Variants in CCDC85A observed in about 807,000 individuals in gnomAD.
CCDC85A encodes the protein coiled-coil domain containing 85A.
In CCDC85A, 38 loss-of-function variants were observed where a neutral mutation model predicts 50.2. The observed-to-expected ratio is 0.76, with a 90% CI of 0.58 to 0.99. CCDC85A has a LOEUF of 0.99. Among genes scored for constraint, CCDC85A ranks in the 50% least tolerant of loss-of-function variants. The pLI is 0.00. For missense variants in CCDC85A, 820 were observed against 742.0 expected (o/e 1.11, Z -1.22); for synonymous variants, 366 against 301.4 (o/e 1.21, Z -2.22).
intron 2 of CCDC85A, among the ~76,000 whole-genome samples, chr2:56,325,332 T>A (rs1187243999): frequency 3.3e-5 from 5 of 152,082 alleles, no homozygotes; most frequent in Admixed American, 3.3e-4. Context: ...GTTTATTGTA[T>A]TTACCCTGGT....
chr2:56,359,400 G>T (rs1005879881), intron 3 of CCDC85A, among the ~76,000 whole-genome samples: 2 of 152,256 alleles, frequency 1.3e-5, no homozygotes, highest in South Asian at 4.1e-4. Flanking sequence ...TAGGAAATTT[G>T]TACTTTTTTG....
intron 3 of CCDC85A, among the ~76,000 whole-genome samples, chr2:56,372,053 T>G (rs1676100115): frequency 6.6e-6 from 1 of 152,196 alleles, no homozygotes; most frequent in Non-Finnish European, 1.5e-5. Flanking sequence ...AAAATAAAGT[T>G]GTTTAAATAC....
At chr2:56,284,801 A>G (rs1251000193) in intron 2 of CCDC85A, among the ~76,000 whole-genome samples, 3 of 152,194 alleles carry the variant, frequency 2.0e-5, no homozygotes, top group African/African-American at 4.8e-5. Flanking sequence ...ACTGATAAGT[A>G]TTTACAACTT....
chr2:56,332,389 A>G (rs1338245625), intron 2 of CCDC85A, among the ~76,000 whole-genome samples: 1 of 152,276 alleles, frequency 6.6e-6, no homozygotes, highest in Admixed American at 6.5e-5. Context: ...AGGCACCCAT[A>G]GATTTGGTGT....
intron 2 of CCDC85A, among the ~76,000 whole-genome samples, chr2:56,280,758 A>G (rs28473407): frequency 0.015 from 2,346 of 152,286 alleles, 51 homozygotes; most frequent in African/African-American, 0.054. Context: ...CTAACAGAAA[A>G]GTTATTTCTG....
At chr2:56,285,524 A>G (rs1422257559) in intron 2 of CCDC85A, among the ~76,000 whole-genome samples, 2 of 146,414 alleles carry the variant, frequency 1.4e-5, no homozygotes, top group African/African-American at 2.5e-5. Context: ...TATATTAATA[A>G]TGTAATTATA....
intron 5 of CCDC85A, chr2:56,379,724 T>C: frequency 1.2e-6 from 1 of 847,788 alleles, no homozygotes; most frequent in African/African-American, 1.8e-5. Flanking sequence ...CATGTGAAAT[T>C]TGCTTTTCTT....
At position 56,213,126 on chromosome 2, in the gene CCDC85A, A is replaced by T. The variant is rs149399991; in HGVS notation, c.1240+19686A>T. On this transcript the variant is annotated intron_variant, in intron 2 of 5. Transcript: ENST00000407595. ...GAGATATAATATCCCAGAATCAAAG[A>T]AACGAGAAGTGAAGAGCTCTCAACT... Among the ~76,000 whole-genome samples the T allele has an allele frequency of 4.8e-3, 726 of 152,130 alleles. 8 individuals are homozygous for T. Among genetic ancestry groups the T allele is most frequent in the African/African-American group, 0.017 (686 of 41,546 alleles).
In CCDC85A at chr2:56,192,909, C is replaced by T. The variant is rs1676359242; in HGVS notation, c.709C>T (p.Leu237=). The change falls in exon 2 of 6, where the codon CTG becomes TTG. Residue 237 remains leucine (L), a synonymous_variant. Coordinates refer to ENST00000407595, the MANE Select transcript of CCDC85A (RefSeq NM_001080433.2). This position sits in a 1 kb window ranked among gnomAD's most constrained non-coding sequence, Gnocchi z 4.7. The stretch of plus-strand genomic sequence containing the variant: ...CGCGAGCAGTGGCAGCCCGGAGCAC[C>T]TGCAGAAGCCCCGGAGCGAGGGCAG... ...HHASSGSPEH[L]QKPRSEGSPE... 6.2e-7 allele frequency: 1 copy of T among 1,612,942 alleles called. No homozygotes were observed.
intron 2 of CCDC85A, among the ~76,000 whole-genome samples, chr2:56,204,535 C>G (rs901681352): frequency 6.6e-6 from 1 of 152,192 alleles, no homozygotes; most frequent in African/African-American, 2.4e-5. Flanking sequence ...CATGCTGCCT[C>G]CAGCTTCTTG....
At chr2:56,357,297 G>C (rs1675282681) in intron 3 of CCDC85A, among the ~76,000 whole-genome samples, 1 of 152,094 alleles carries the variant, frequency 6.6e-6, no homozygotes, top group African/African-American at 2.4e-5. Flanking sequence ...TACCCACTAT[G>C]CTCAGGATCT....
chr2:56,341,121 G>T (rs975804724), intron 2 of CCDC85A, among the ~76,000 whole-genome samples: 6 of 152,154 alleles, frequency 3.9e-5, no homozygotes, highest in Admixed American at 6.5e-5. Flanking sequence ...CATGTGCAGT[G>T]TGTTTACTGA....
intron 2 of CCDC85A, among the ~76,000 whole-genome samples, chr2:56,238,410 C>G (rs1010646580): frequency 1.5e-5 from 2 of 136,124 alleles, no homozygotes; most frequent in Admixed American, 7.6e-5. Flanking sequence ...GAGTAACATT[C>G]TGTCTAAAAA....
chr2:56,304,322 C>G (rs1442552367), intron 2 of CCDC85A, among the ~76,000 whole-genome samples: 3 of 152,096 alleles, frequency 2.0e-5, no homozygotes, highest in African/African-American at 7.2e-5. Flanking sequence ...CTGAAACGCT[C>G]TCATACTGAA....
At chr2:56,333,175 G>A (rs1453112148) in intron 2 of CCDC85A, among the ~76,000 whole-genome samples, 1 of 152,190 alleles carries the variant, frequency 6.6e-6, no homozygotes, top group Non-Finnish European at 1.5e-5. Flanking sequence ...CAGTAATACA[G>A]CAGGATAAAG....
intron 5 of CCDC85A, among the ~76,000 whole-genome samples, chr2:56,376,991 T>A (rs1160871583): frequency 1.3e-5 from 2 of 152,234 alleles, no homozygotes; most frequent in Admixed American, 6.5e-5. Flanking sequence ...CTTCAAAATG[T>A]TTATTTCACT....
intron 2 of CCDC85A, among the ~76,000 whole-genome samples, chr2:56,206,154 C>T (rs78043948): frequency 0.019 from 2,877 of 152,070 alleles, 47 homozygotes; most frequent in Non-Finnish European, 0.026. Flanking sequence ...GCCAGATTAC[C>T]TAGGGAATGA....
intron 2 of CCDC85A, among the ~76,000 whole-genome samples, chr2:56,272,152 A>G (rs78186858): frequency 0.035 from 5,295 of 152,288 alleles, 120 homozygotes; most frequent in South Asian, 0.12. Context: ...GAGTAAAGTT[A>G]TGTGTTAATA....
At chr2:56,251,016 G>C (rs1473401274) in intron 2 of CCDC85A, among the ~76,000 whole-genome samples, 1 of 151,812 alleles carries the variant, frequency 6.6e-6, no homozygotes, top group African/African-American at 2.4e-5. Flanking sequence ...TTGTGTGTCT[G>C]TGTTTTCCAT....
Sources: allele counts gnomAD v4.1 joint callset (sites outside exome capture counted in the v4.1 genomes callset), GRCh38; gene constraint gnomAD v4.1.1; non-coding constraint Gnocchi (gnomAD v3.1); transcripts MANE v1.5; gene names NCBI Gene and HGNC (gene_info 2026-07-23, HGNC 2026-07-21).